The following PLA2G4E variants were observed in gnomAD, a reference collection of about 807,000 sequenced individuals.
PLA2G4E encodes the protein phospholipase A2 group IVE, also known as cytosolic phospholipase A2 epsilon.
PLA2G4E carries 84 observed loss-of-function variants against 109.1 expected under a neutral mutation model. The ratio of observed to expected loss-of-function variants is 0.77; its 90% CI spans 0.65 to 0.92. The LOEUF is 0.92. Among genes scored for constraint, PLA2G4E ranks in the 40% least tolerant of loss-of-function variants. The pLI is 0.00. For missense variants in PLA2G4E, 1,057 were observed against 1,076.6 expected (o/e 0.98, Z 0.25); for synonymous variants, 469 against 436.1 (o/e 1.08, Z -0.94).
At chr15:42,048,774 G>A (rs1889460153) in intron 1 of PLA2G4E, among the ~76,000 whole-genome samples, 1 of 152,232 alleles carries the variant, frequency 6.6e-6, no homozygotes, top group Admixed American at 6.5e-5. Flanking sequence ...CTTGTCTGAG[G>A]TTACAGGGCT....
intron 1 of PLA2G4E, among the ~76,000 whole-genome samples, chr15:42,042,268 T>C (rs1046029416): frequency 6.6e-6 from 1 of 152,184 alleles, no homozygotes; most frequent in African/African-American, 2.4e-5. Flanking sequence ...TCAATATACG[T>C]ATATATAAAG....
chr15:41,993,266 T>A (rs2141031667), intron 12 of PLA2G4E, among the ~76,000 whole-genome samples: 1 of 152,368 alleles, frequency 6.6e-6, no homozygotes, highest in Middle Eastern at 3.4e-3. Context: ...GCTCACTAGC[T>A]GTGTGATCTT....
chr15:41,989,830 G>C (rs188597809), intron 14 of PLA2G4E, among the ~76,000 whole-genome samples: 1 of 152,180 alleles, frequency 6.6e-6, no homozygotes, highest in East Asian at 1.9e-4. Context: ...CAGCTCTCTC[G>C]AGTCTCTCTC....
chr15:42,040,883 T>C (rs925551356), intron 1 of PLA2G4E, among the ~76,000 whole-genome samples: 6 of 152,216 alleles, frequency 3.9e-5, no homozygotes, highest in Admixed American at 3.3e-4. Flanking sequence ...CTGATGATTC[T>C]AAAGTTCAAG....
At chr15:42,019,791 T>C (rs950640696) in intron 1 of PLA2G4E, among the ~76,000 whole-genome samples, 1 of 152,108 alleles carries the variant, frequency 6.6e-6, no homozygotes, top group East Asian at 1.9e-4. Context: ...ACCAGGCTAG[T>C]TGAGTGGTCA....
intron 1 of PLA2G4E, among the ~76,000 whole-genome samples, chr15:42,029,670 A>T (rs1566849030): frequency 6.6e-6 from 1 of 152,182 alleles, no homozygotes; most frequent in Non-Finnish European, 1.5e-5. Flanking sequence ...ATTCTGTTAC[A>T]TATAAACTAC....
At chr15:41,992,805 G>T (rs1433677343) in exon 13 of PLA2G4E, 1 of 1,613,706 alleles carries the variant, frequency 6.2e-7, no homozygotes, top group African/African-American at 1.3e-5. Flanking sequence ...TAGCCTTCCT[G>T]GCTGCGCTGC....
chr15:41,998,477 T>C (rs2068376166), intron 10 of PLA2G4E: 1 of 152,090 alleles, frequency 6.6e-6, no homozygotes, highest in Admixed American at 6.5e-5. Context: ...AATGTACAGA[T>C]GAGGAAAACA....
At chr15:41,983,699 G>T in exon 20 of PLA2G4E, 2 of 1,471,178 alleles carry the variant, frequency 1.4e-6, no homozygotes, top group Non-Finnish European at 1.9e-6. Flanking sequence ...GCCCTGAGGG[G>T]TCCTGCACCT....
At chr15:42,033,595 AG>A (rs1243347369) in intron 1 of PLA2G4E, among the ~76,000 whole-genome samples, 1 of 11,464 alleles carries the variant, frequency 8.7e-5, no homozygotes, top group Non-Finnish European at 1.7e-4. Context: ...GTGGGGTGGG[AG>A]GGGCAGGTCC....
intron 1 of PLA2G4E, among the ~76,000 whole-genome samples, chr15:42,018,125 C>A (rs2068613883): frequency 6.6e-6 from 1 of 152,198 alleles, no homozygotes; most frequent in South Asian, 2.1e-4. Context: ...TGAGAAATGG[C>A]CTTCTTGGGT....
chr15:42,016,057 G>A (rs565927366), intron 1 of PLA2G4E, among the ~76,000 whole-genome samples: 5 of 152,150 alleles, frequency 3.3e-5, no homozygotes, highest in South Asian at 4.2e-4. Flanking sequence ...CGTCTGAACC[G>A]GCACCCTCGA....
chr15:42,026,633 G>C (rs374782270), intron 1 of PLA2G4E, among the ~76,000 whole-genome samples: 1 of 152,198 alleles, frequency 6.6e-6, no homozygotes, highest in African/African-American at 2.4e-5. Context: ...TCGTCACTTA[G>C]TCAAAGTAAG....
exon 16 of PLA2G4E, chr15:41,988,149 C>A (rs1213687614): frequency 6.3e-7 from 1 of 1,595,132 alleles, no homozygotes. Flanking sequence ...AGATGCTGCT[C>A]CACAGGCCTG....
chr15:41,999,898 C>G lies in PLA2G4E; in HGVS notation c.936+19G>C. The G allele has an allele frequency of 6.3e-7, 1 of 1,598,096 alleles. No homozygotes were observed. The highest frequency in any genetic ancestry group is 8.5e-7 in the Non-Finnish European group (1 of 1,171,244). On this transcript the variant is annotated intron_variant, in intron 9 of 19. Transcript: ENST00000399518. The stretch of plus-strand genomic sequence containing the variant: ...CAGGGGAAGTAAGTCAGGGGCCCTT[C>G]CCAGACTCAGGCACTCACCACAGGC...
intron 12 of PLA2G4E, among the ~76,000 whole-genome samples, chr15:41,993,983 G>A (rs909293451): frequency 6.7e-6 from 1 of 150,056 alleles, no homozygotes; most frequent in Admixed American, 6.6e-5. Context: ...TCTGTCTATC[G>A]CATAGTAGTC....
chr15:41,995,443 G>A (rs2068322938), exon 12 of PLA2G4E: 3 of 1,614,020 alleles, frequency 1.9e-6, no homozygotes, highest in East Asian at 4.5e-5. Flanking sequence ...GGCCATACAT[G>A]GAGGTCATGG....
chr15:42,015,196 T>C (rs2141058925), intron 1 of PLA2G4E, among the ~76,000 whole-genome samples: 1 of 152,304 alleles, frequency 6.6e-6, no homozygotes. Flanking sequence ...GCCACTACTC[T>C]ACTTTATCCC....
chr15:42,020,889 C>G (rs1398560482), intron 1 of PLA2G4E, among the ~76,000 whole-genome samples, 46 bp downstream of exon 1: 1 of 152,102 alleles, frequency 6.6e-6, no homozygotes. Flanking sequence ...CCATGCCTCC[C>G]TGGCCCTCAG....
Sources: allele counts gnomAD v4.1 joint callset (sites outside exome capture counted in the v4.1 genomes callset), GRCh38; gene constraint gnomAD v4.1.1; transcripts MANE v1.5; gene names NCBI Gene and HGNC (gene_info 2026-07-23, HGNC 2026-07-21).